SCG2: variants seen among roughly 807,000 people sequenced by gnomAD.
SCG2 encodes the protein secretogranin II.
SCG2 carries 23 observed loss-of-function variants against 49.5 expected under a neutral mutation model. The observed-to-expected ratio is 0.46, with a 90% CI of 0.33 to 0.66. The LOEUF (loss-of-function observed/expected upper bound fraction) is 0.66, where lower values mean the gene tolerates loss of function less well. SCG2 is among the 30% of genes least tolerant of loss of function. The pLI, the probability that SCG2 is intolerant of heterozygous loss-of-function variation, is 0.01. For missense variants in SCG2, 730 were observed against 728.2 expected (o/e 1.00, Z -0.03); for synonymous variants, 288 against 260.4 (o/e 1.11, Z -1.02).
chr2:223,600,911 T>C (rs1313558354), intron 1 of SCG2, among the ~76,000 whole-genome samples: 2 of 152,198 alleles, frequency 1.3e-5, no homozygotes, highest in Non-Finnish European at 2.9e-5. Context: ...TTATGCACTC[T>C]TGTTTATATT....
chr2:223,598,108 T>G lies in SCG2; in HGVS notation c.1175A>C (p.Asp392Ala). 6.2e-7 allele frequency: 1 copy of G among 1,608,614 alleles called. No individual in the cohort carries two copies. Among genetic ancestry groups the G allele is most frequent in the Non-Finnish European group, 8.5e-7 (1 of 1,177,132 alleles). ...ERELDLPVDL[D>A]DISEADLDHP... ...GTCTAAGTCAGCCTCTGAGATGTCATCTAGGTCAACAGGAAGGTCAAGCTC... is the reference window on the plus strand; with the variant it reads ...GTCTAAGTCAGCCTCTGAGATGTCAGCTAGGTCAACAGGAAGGTCAAGCTC... The change falls in exon 2 of 2, where the codon GAT (aspartate) becomes GCT (alanine). Residue 392 changes from aspartate to alanine, a missense_variant. Physicochemically the swap from Asp to Ala is moderately radical, Grantham distance 126 (BLOSUM62 -2). Coordinates refer to ENST00000305409, the MANE Select transcript of SCG2 (RefSeq NM_003469.5).
rs1186273637 is a variant in SCG2, at chr2:223,599,230, A to G, written c.53T>C (p.Leu18Ser). The G allele has an allele frequency of 6.2e-7, 1 of 1,608,828 alleles. No homozygotes were observed. The highest frequency in any genetic ancestry group is 1.1e-5 in the South Asian group (1 of 91,022). Reference sequence around the variant, plus strand: ...TTCAGCCCCAGAGATGAGGAAAATTAAAGGGATAAGAGACAGGGCTGCTCC... The same window carrying G: ...TTCAGCCCCAGAGATGAGGAAAATTGAAGGGATAAGAGACAGGGCTGCTCC... ...WLGAALSLIP[L>S]IFLISGAEAA... Residue 18 changes from leucine to serine, a missense_variant, in exon 2 of 2, where the codon TTA becomes TCA. Transcript: ENST00000305409.
At position 223,598,458 on chromosome 2, in the gene SCG2, A is replaced by T. The variant is rs1691335965; in HGVS notation, c.825T>A (p.Asn275Lys). The T allele has an allele frequency of 5.0e-6, 8 of 1,613,590 alleles. No homozygotes were observed. In the African/African-American group the frequency reaches 8.0e-5, roughly 16 times the overall value. ...GTTTCATCTCATCGTTGATTTGTTC[A>T]TTTTTTTCTATATTCTCTTTGCTGT... is the stretch of plus-strand genomic sequence containing the variant. ...VRDSKENIEK[N>K]EQINDEMKRS... Residue 275 changes from asparagine (N) to lysine (K), a missense_variant, in exon 2 of 2, where the codon AAT (asparagine) becomes AAA (lysine). Coordinates refer to ENST00000305409, the MANE Select transcript of SCG2 (RefSeq NM_003469.5).
intron 1 of SCG2, 98 bp from the exon 2 acceptor site, chr2:223,599,394 T>C: frequency 1.0e-6 from 1 of 967,444 alleles, no homozygotes; most frequent in Non-Finnish European, 1.5e-6. Context: ...AAAAACATAG[T>C]AGATATTATT....
chr2:223,598,832 AATC>A lies in SCG2; in HGVS notation c.448_450del (p.Asp150del). 8 of 1,614,142 alleles carry A rather than the reference AATC, an allele frequency of 5.0e-6. No individual in the cohort carries two copies. The highest frequency in any genetic ancestry group is 6.8e-6 in the Non-Finnish European group (8 of 1,180,016). ...CTTTCTGGCCACTGCTGTGTCTCAT[AATC>A]ATCACTCATGTCCATTGGAAAGTTC... On this transcript the variant is annotated inframe_deletion, in exon 2 of 2. Coordinates refer to ENST00000305409, the MANE Select transcript of SCG2 (RefSeq NM_003469.5).
In SCG2 at chr2:223,598,692, T is replaced by A; in HGVS notation, c.591A>T (p.Thr197=). The A allele has an allele frequency of 1.2e-6, 2 of 1,614,018 alleles. No individual in the cohort carries two copies. The highest frequency in any genetic ancestry group is 1.7e-6 in the Non-Finnish European group (2 of 1,180,050). ...CCAGCTCTTGGAAGACAGATTCCAATGTAGCAAGGCTTTGAGGAGTATATT... is the reference window on the plus strand; with the variant it reads ...CCAGCTCTTGGAAGACAGATTCCAAAGTAGCAAGGCTTTGAGGAGTATATT... The part of the protein sequence containing the change: ...EEQYTPQSLA[T]LESVFQELGK... Residue 197 remains threonine, a synonymous_variant, in exon 2 of 2, where the codon ACA becomes ACT. Coordinates refer to ENST00000305409, the MANE Select transcript of SCG2 (RefSeq NM_003469.5).
Position 223,598,597 on chromosome 2 carries a change from T to C in SCG2, c.686A>G (p.Asp229Gly), listed in dbSNP as rs1691340537. 4 of 1,614,050 alleles carry C rather than the reference T, an allele frequency of 2.5e-6. No homozygotes were observed. Among genetic ancestry groups the C allele is most frequent in the Non-Finnish European group, 2.5e-6 (3 of 1,180,060 alleles). Residue 229 changes from aspartate to glycine, a missense_variant, in exon 2 of 2, where the codon GAT becomes GGT. Coordinates refer to ENST00000305409, the MANE Select transcript of SCG2 (RefSeq NM_003469.5). Reference protein sequence around the residue: ...MDEEQKLYTDDEDDIYKANNI... With the variant: ...MDEEQKLYTDGEDDIYKANNI... ...ATTAGCCTTGTAGATATCATCTTCA[T>C]CATCCGTATAAAGTTTTTGCTCCTC...
chr2:223,597,326 A>T lies in SCG2; in HGVS notation c.*103T>A. 1 of 1,407,184 alleles carries T rather than the reference A, an allele frequency of 7.1e-7. No individual in the cohort carries two copies. 87.2% of individuals were successfully genotyped at this position (1,407,184 alleles called of 1,614,324 possible). A position where few individuals can be genotyped will look rare whatever the true frequency, so the allele number is the denominator to read the frequency against. On this transcript the variant is annotated 3_prime_UTR_variant, in exon 2 of 2. Coordinates refer to ENST00000305409, the MANE Select transcript of SCG2 (RefSeq NM_003469.5). ...TTTCATCTGCCTGTACATCATTTAA[A>T]GATATTACAGTGTTAACAGGATAGA... is the stretch of plus-strand genomic sequence containing the variant.
chr2:223,601,850 G>A (rs1691395373), intron 1 of SCG2, among the ~76,000 whole-genome samples: 1 of 152,142 alleles, frequency 6.6e-6, no homozygotes, highest in Non-Finnish European at 1.5e-5. Context: ...TGACTAACAT[G>A]CTTGACAGCC....
At position 223,598,202 on chromosome 2, in the gene SCG2, G is replaced by T. The variant is rs746725984; in HGVS notation, c.1081C>A (p.Pro361Thr). The change falls in exon 2 of 2, where the codon CCC becomes ACC. Residue 361 changes from proline to threonine, a missense_variant. Coordinates refer to ENST00000305409, the MANE Select transcript of SCG2 (RefSeq NM_003469.5). ...AGCATCTCAATTAAGTCTTCTGGGG[G>T]TATCTGTAAATTCCTTGAGATTTCA... The part of the protein sequence containing the change: ...LIEISRNLQI[P>T]PEDLIEMLKT... The T allele has an allele frequency of 7.4e-6, 12 of 1,614,096 alleles. No homozygotes were observed. Among genetic ancestry groups the T allele is most frequent in the South Asian group, 1.1e-5 (1 of 91,078 alleles).
At chr2:223,599,683 G>A (rs1691360110) in intron 1 of SCG2, among the ~76,000 whole-genome samples, 1 of 152,080 alleles carries the variant, frequency 6.6e-6, no homozygotes, top group African/African-American at 2.4e-5. Context: ...TTTATATATT[G>A]AAGTCTATTG....
In SCG2 at chr2:223,598,990, T is replaced by C. The variant is rs762526585; in HGVS notation, c.293A>G (p.His98Arg). ...LQQKENGDES[H>R]LPERDSLSEE... Reference sequence around the variant, plus strand: ...ACTCAGTGAATCCCTCTCGGGCAAGTGGCTTTCATCGCCATTTTCTTTTTG... The same window carrying C: ...ACTCAGTGAATCCCTCTCGGGCAAGCGGCTTTCATCGCCATTTTCTTTTTG... Residue 98 changes from histidine (H) to arginine (R), a missense_variant, in exon 2 of 2, where the codon CAC becomes CGC. His to Arg is a conservative substitution (Grantham distance 29). Coordinates refer to ENST00000305409, the MANE Select transcript of SCG2 (RefSeq NM_003469.5). 2 of 1,614,222 alleles carry C rather than the reference T, an allele frequency of 1.2e-6. No individual in the cohort carries two copies. The highest frequency in any genetic ancestry group is 1.7e-6 in the Non-Finnish European group (2 of 1,180,040).
In SCG2 at chr2:223,598,734, A is replaced by G. The variant is rs777672653; in HGVS notation, c.549T>C (p.Asn183=). ...NSRDNPFKRT[N]EIVEEQYTPQ... is the part of the protein sequence containing the mutation. ...GAGTATATTGTTCCTCCACTATTTC[A>G]TTTGTGCGTTTAAAGGGGTTATCCC... Residue 183 remains asparagine, a synonymous_variant, in exon 2 of 2, where the codon AAT becomes AAC. Transcript: ENST00000305409. 1.2e-6 allele frequency: 2 copies of G among 1,613,668 alleles called. No homozygotes were observed. The highest frequency in any genetic ancestry group is 1.7e-6 in the Non-Finnish European group (2 of 1,180,004).
In SCG2 at chr2:223,598,154, C is replaced by A. The variant is rs1355819064; in HGVS notation, c.1129G>T (p.Gly377Ter). ...AGCTCCCGCTCCGGTTCCACTGATC[C>A]ATTCGGCTTCTCCCCAGTTTTGAGC... Reference protein sequence around the residue: ...EMLKTGEKPNGSVEPERELDL... With the variant: ...EMLKTGEKPN Residue 377 changes from glycine (G) to a stop codon, truncating the protein, a stop_gained, in exon 2 of 2, where the codon GGA (glycine) becomes TGA (stop). Transcript: ENST00000305409. LOFTEE classifies it high-confidence loss of function. 1 of 1,613,626 alleles carries A rather than the reference C, an allele frequency of 6.2e-7. No individual in the cohort carries two copies. The highest frequency in any genetic ancestry group is 8.5e-7 in the Non-Finnish European group (1 of 1,179,740).
rs761547866 is a variant in SCG2 at position 223,599,120 on chromosome 2, T to C, written c.163A>G (p.Met55Val). ...TCTATGTACTCCAAAGCCCTGATCA[T>C]TTCAGGACTGGGAAACTTTTGGACA... ...ENVQKFPSPEMIRALEYIENL... is the reference protein window; with the variant it reads ...ENVQKFPSPEVIRALEYIENL... The change falls in exon 2 of 2, where the codon ATG becomes GTG. Residue 55 changes from methionine (M) to valine (V), a missense_variant. Transcript: ENST00000305409. 6.2e-7 allele frequency: 1 copy of C among 1,614,140 alleles called. No homozygotes were observed. Among genetic ancestry groups the C allele is most frequent in the East Asian group, 2.2e-5 (1 of 44,866 alleles).
At position 223,597,844 on chromosome 2, in the gene SCG2, T is replaced by C. The variant is rs1448395821; in HGVS notation, c.1439A>G (p.Lys480Arg). The C allele has an allele frequency of 3.1e-6, 5 of 1,614,070 alleles. No individual in the cohort carries two copies. The highest frequency in any genetic ancestry group is 3.3e-5 in the Admixed American group (2 of 60,012). Reference sequence around the variant, plus strand: ...TTCAACATGTGGAATCCAGGCAGCTTTGGGAAGCTGGTTCGATCTAGATCT... The same window carrying C: ...TTCAACATGTGGAATCCAGGCAGCTCTGGGAAGCTGGTTCGATCTAGATCT... ...AGRSRSNQLP[K>R]AAWIPHVENR... The change falls in exon 2 of 2, where the codon AAA (lysine) becomes AGA (arginine). Residue 480 changes from lysine (K) to arginine (R), a missense_variant. Transcript: ENST00000305409.
chr2:223,599,526 A>T (rs1691357811), intron 1 of SCG2, among the ~76,000 whole-genome samples: 2 of 152,212 alleles, frequency 1.3e-5, no homozygotes, highest in African/African-American at 4.8e-5. Flanking sequence ...CTTGCATAGC[A>T]TTCTCTTAGT....
chr2:223,598,740 GC>G lies in SCG2; in HGVS notation c.542del (p.Arg181ProfsTer5). 2 of 1,613,698 alleles carry G rather than the reference GC, an allele frequency of 1.2e-6. No individual in the cohort carries two copies. The highest frequency in any genetic ancestry group is 1.7e-6 in the Non-Finnish European group (2 of 1,180,016). On this transcript the variant is annotated frameshift_variant, in exon 2 of 2. Coordinates refer to ENST00000305409, the MANE Select transcript of SCG2 (RefSeq NM_003469.5). LOFTEE classifies it high-confidence loss of function. ...EENSRDNPFKRTNEIVEEQYT... is the reference protein window; with the variant it reads ...EENSRDNPFKXTNEIVEEQYT... ...ATTGTTCCTCCACTATTTCATTTGT[GC>G]GTTTAAAGGGGTTATCCCTGGAATT...
At chr2:223,599,866 T>C (rs1488174928) in intron 1 of SCG2, among the ~76,000 whole-genome samples, 2 of 152,192 alleles carry the variant, frequency 1.3e-5, no homozygotes, top group Non-Finnish European at 2.9e-5. Context: ...AGTAATACTT[T>C]TATATGTCAA....
Sources: allele counts gnomAD v4.1 joint callset (sites outside exome capture counted in the v4.1 genomes callset), GRCh38; gene constraint gnomAD v4.1.1; transcripts MANE v1.5; gene names NCBI Gene and HGNC (gene_info 2026-07-23, HGNC 2026-07-21).